Variants in MYO1F observed in about 807,000 individuals in gnomAD.
The protein encoded by MYO1F is myosin IF, also known as unconventional myosin-If.
Under a neutral mutation model 146.6 loss-of-function variants are expected in MYO1F, and 60 were observed. The observed-to-expected ratio is 0.41, with a 90% CI of 0.33 to 0.51. The LOEUF is 0.51. Among genes scored for constraint, MYO1F ranks in the 20% least tolerant of loss-of-function variants. The pLI is 0.25. For missense variants in MYO1F, 1,274 were observed against 1,534.3 expected (o/e 0.83, Z 2.83); for synonymous variants, 602 against 602.1 (o/e 1.00, Z 0.00).
chr19:8,565,199 T>C (rs934151257), intron 1 of MYO1F, among the ~76,000 whole-genome samples: 4 of 151,890 alleles, frequency 2.6e-5, no homozygotes, highest in African/African-American at 9.7e-5. Context: ...GCCTGGCTCA[T>C]TTCATTTTCA....
chr19:8,534,036 T>A (rs1321416951), intron 19 of MYO1F, among the ~76,000 whole-genome samples: 1 of 151,724 alleles, frequency 6.6e-6, no homozygotes, highest in Admixed American at 6.6e-5. Context: ...AAAATTAGCC[T>A]GGTGTGGTGG....
At chr19:8,533,653 T>C (rs937055958) in intron 19 of MYO1F, among the ~76,000 whole-genome samples, 1 of 152,114 alleles carries the variant, frequency 6.6e-6, no homozygotes, top group African/African-American at 2.4e-5. Context: ...CCAGCACGCT[T>C]AGCCTCAGAT....
chr19:8,574,609 CT>C (rs1162960649), intron 1 of MYO1F, among the ~76,000 whole-genome samples: 2 of 62,360 alleles, frequency 3.2e-5, no homozygotes, highest in African/African-American at 1.5e-4. Context: ...TTCTTTCTTT[CT>C]TTCTTTCTTT....
chr19:8,523,239 T>C (rs184610367), intron 25 of MYO1F, among the ~76,000 whole-genome samples: 9 of 152,246 alleles, frequency 5.9e-5, no homozygotes, highest in Admixed American at 2.6e-4. Flanking sequence ...TTCATCATGT[T>C]AGCCAGGATG....
At chr19:8,561,455 TCTCC>T (rs1204521485) in intron 1 of MYO1F, among the ~76,000 whole-genome samples, 5 of 120,154 alleles carry the variant, frequency 4.2e-5, no homozygotes, top group South Asian at 3.9e-4. Flanking sequence ...TTCCTCCCTC[TCTCC>T]CTCTCTCTCT....
intron 1 of MYO1F, among the ~76,000 whole-genome samples, chr19:8,572,718 C>T (rs1189335167): frequency 1.3e-5 from 2 of 152,124 alleles, no homozygotes; most frequent in Admixed American, 1.3e-4. Flanking sequence ...TGTTTAGAAA[C>T]AGAGTCTGTC....
rs781472471 is a variant in MYO1F at position 8,545,689 on chromosome 19, G to A, written c.1317C>T (p.Phe439=). 1 of 1,614,128 alleles carries A rather than the reference G, an allele frequency of 6.2e-7. No individual in the cohort carries two copies. The change falls in exon 13 of 28, where the codon TTC becomes TTT. Residue 439 remains phenylalanine (F), a synonymous_variant. Transcript: ENST00000644032. The stretch of plus-strand genomic sequence containing the variant: ...TGAGGTCACAGACGACCTTGTTGTT[G>A]AAGTACTGGATTGGAGTCCAGCGGA... ...EGIRWTPIQY[F]NNKVVCDLIE...
At position 8,555,852 on chromosome 19, in the gene MYO1F, CTCACCG is replaced by C. The variant is rs1194144517; in HGVS notation, c.4-62_4-57del. On this transcript the variant is annotated intron_variant, in intron 1 of 27. Coordinates refer to ENST00000644032, the MANE Select transcript of MYO1F (RefSeq NM_012335.4). ...CCTTGCACGGGGATGCGGCACCTGG[CTCACCG>C]ACGCTATCAGCTTCTGGGTTCTGTC... is the stretch of plus-strand genomic sequence containing the variant. The C allele has an allele frequency of 3.9e-6, 6 of 1,535,404 alleles. No individual in the cohort carries two copies. In the East Asian group the frequency reaches 1.4e-4, roughly 35 times the overall value.
chr19:8,541,577 C>T (rs546205140), intron 15 of MYO1F, among the ~76,000 whole-genome samples: 233 of 151,330 alleles, frequency 1.5e-3, no homozygotes, highest in African/African-American at 4.9e-3. Context: ...TACAGGTGCG[C>T]GCCACCACGC....
chr19:8,561,694 C>T (rs1182622310), intron 1 of MYO1F, among the ~76,000 whole-genome samples: 12 of 136,070 alleles, frequency 8.8e-5, no homozygotes, highest in African/African-American at 3.0e-4. Context: ...CTTTTCCTTC[C>T]TTCCTTCCTC....
At chr19:8,535,419 A>G (rs1371378193) in intron 19 of MYO1F, among the ~76,000 whole-genome samples, 2 of 151,796 alleles carry the variant, frequency 1.3e-5, no homozygotes, top group Non-Finnish European at 2.9e-5. Flanking sequence ...TTTGCTGGTG[A>G]TAGTTATTTT....
At chr19:8,543,198 C>A (rs1344435298) in intron 14 of MYO1F, among the ~76,000 whole-genome samples, 2 of 152,250 alleles carry the variant, frequency 1.3e-5, no homozygotes, top group Non-Finnish European at 2.9e-5. Flanking sequence ...GCCACCACTC[C>A]CAGCCTCTCC....
chr19:8,552,125 G>A lies in MYO1F; in HGVS notation c.544C>T (p.Pro182Ser), dbSNP rs373430924. 3.7e-6 allele frequency: 6 copies of A among 1,613,964 alleles called. No homozygotes were observed. Among genetic ancestry groups the A allele is most frequent in the Admixed American group, 1.7e-5 (1 of 59,970 alleles). ...FEIQFSRGGE[P>S]DGGKISNFLL... ...AAGTTGGAGATCTTGCCCCCATCTG[G>A]CTCCCCACCTCGGCTGAACTGGATC... is the stretch of plus-strand genomic sequence containing the variant. Residue 182 changes from proline (P) to serine (S), a missense_variant, in exon 7 of 28, where the codon CCA becomes TCA. Physicochemically the swap from Pro to Ser is moderately conservative, Grantham distance 74. Transcript: ENST00000644032.
chr19:8,551,585 T>A, intron 8 of MYO1F, 155 bp downstream of exon 8: 1 of 1,056,932 alleles, frequency 9.5e-7, no homozygotes, highest in African/African-American at 1.7e-5. Flanking sequence ...CTCCTGACCT[T>A]AAGTGATCTA....
intron 14 of MYO1F, chr19:8,543,960 G>GTGC (rs1973191302): frequency 8.6e-6 from 3 of 348,922 alleles, no homozygotes; most frequent in Non-Finnish European, 1.6e-5. Flanking sequence ...GGTGGTGGTG[G>GTGC]TGGTGGTGGT....
intron 16 of MYO1F, among the ~76,000 whole-genome samples, chr19:8,539,194 C>T (rs1972852783): frequency 6.6e-6 from 1 of 152,072 alleles, no homozygotes; most frequent in Non-Finnish European, 1.5e-5. Context: ...GCAGGCGGAT[C>T]ACCTGAGGTC....
chr19:8,561,256 GA>G (rs573565840), intron 1 of MYO1F, among the ~76,000 whole-genome samples: 35 of 152,136 alleles, frequency 2.3e-4, no homozygotes, highest in African/African-American at 7.9e-4. Flanking sequence ...GAAAGGTGTG[GA>G]GGTGTGGCTG....
rs199584431 is a variant in MYO1F, at chr19:8,550,165, C to T, written c.1096G>A (p.Val366Met). The part of the protein sequence containing the change: ...GLYARLFDFL[V>M]EAINRAMQKP... ...CCAGCCCCAGCCCCACTCGCCTCCA[C>T]GAGGAAGTCGAAGAGGCGGGCATAG... The change falls in exon 10 of 28, where the codon GTG becomes ATG. Residue 366 changes from valine to methionine, a missense_variant. By Grantham distance (21) the Val-to-Met change is conservative. Transcript: ENST00000644032. 1,242 of 1,614,026 alleles carry T rather than the reference C, an allele frequency of 7.7e-4. 2 individuals are homozygous for T. The highest frequency in any genetic ancestry group is 9.6e-4 in the Non-Finnish European group (1,129 of 1,180,044).
intron 19 of MYO1F, among the ~76,000 whole-genome samples, chr19:8,532,430 C>CTGGA (rs1417951016): frequency 6.6e-6 from 1 of 152,098 alleles, no homozygotes; most frequent in Non-Finnish European, 1.5e-5. Context: ...GAGGAACCTA[C>CTGGA]TGGATATTAA....
Sources: allele counts gnomAD v4.1 joint callset (sites outside exome capture counted in the v4.1 genomes callset), GRCh38; gene constraint gnomAD v4.1.1; transcripts MANE v1.5; gene names NCBI Gene and HGNC (gene_info 2026-07-23, HGNC 2026-07-21).